Variants in CENPT observed in about 807,000 individuals in gnomAD.
The protein encoded by CENPT is centromere protein T.
Under a neutral mutation model 59.7 loss-of-function variants are expected in CENPT, and 42 were observed. The observed-to-expected ratio is 0.70, with a 90% CI of 0.55 to 0.91. The LOEUF is 0.91. Among genes scored for constraint, CENPT ranks in the 40% least tolerant of loss-of-function variants. The pLI is 0.00. For missense variants in CENPT, 716 were observed against 713.4 expected (o/e 1.00, Z -0.04); for synonymous variants, 295 against 289.6 (o/e 1.02, Z -0.19).
Position 67,841,243 on chromosome 16 carries a change from G to T in CENPT, c.-491-5585C>A, listed in dbSNP as rs533608242. Among the ~76,000 whole-genome samples, 5 of 148,692 alleles carry T rather than the reference G, an allele frequency of 3.4e-5. No individual in the cohort carries two copies. In the East Asian group the frequency reaches 9.8e-4, roughly 29 times the overall value. The stretch of plus-strand genomic sequence containing the variant: ...AAAAGATTCCCTCAAATAAGTTGAG[G>T]TGGGGGGAGGTGTATTGTTACAATG... On this transcript the variant is annotated intron_variant, in intron 1 of 15. Coordinates refer to ENST00000562787, the MANE Select transcript of CENPT (RefSeq NM_025082.4).
chr16:67,829,600 G>T (rs1260895270), intron 12 of CENPT, 84 bp from the exon 13 acceptor site: 6 of 1,398,696 alleles, frequency 4.3e-6, no homozygotes, highest in Non-Finnish European at 5.9e-6. Context: ...TTTCTGTCCT[G>T]TTTCTGGTGG....
At chr16:67,839,861 C>G (rs1217736517) in intron 1 of CENPT, among the ~76,000 whole-genome samples, 2 of 151,924 alleles carry the variant, frequency 1.3e-5, no homozygotes, top group Non-Finnish European at 2.9e-5. Context: ...ACAATGAGAA[C>G]GAAACTCCAT....
At position 67,843,054 on chromosome 16, in the gene CENPT, G is replaced by A. The variant is rs370193398; in HGVS notation, c.-492+4347C>T. ...ACCCTTCAGGCCACTGTAGACAGCA[G>A]TCAGGCTCCGGGATCCGTACAGCCG... On this transcript the variant is annotated intron_variant, in intron 1 of 15. Transcript: ENST00000562787. This position sits in a 1 kb window ranked among gnomAD's most constrained non-coding sequence, Gnocchi z 5.7. The A allele has an allele frequency of 1.2e-6, 2 of 1,612,208 alleles. No homozygotes were observed. The highest frequency in any genetic ancestry group is 1.1e-5 in the South Asian group (1 of 91,088).
rs989380938 is a variant in CENPT, at chr16:67,842,356, G to GGCGGC, written c.-492+5040_-492+5044dup. ...CCGAGCGCAGGCGGGCAGCCAGGCG[G>GGCGGC]GCGGCGCGGCGCGGGCCGGCAGGAA... On this transcript the variant is annotated intron_variant, in intron 1 of 15. Coordinates refer to ENST00000562787, the MANE Select transcript of CENPT (RefSeq NM_025082.4). This position sits in a 1 kb window ranked among gnomAD's most constrained non-coding sequence, Gnocchi z 4.9. The GGCGGC allele has an allele frequency of 4.6e-6, 1 of 217,924 alleles. No homozygotes were observed. The highest frequency in any genetic ancestry group is 2.3e-5 in the African/African-American group (1 of 42,936). The allele number at this position is 217,924 out of a possible 1,614,324, so 13.5% of individuals were successfully genotyped here.
chr16:67,829,291 C>A (rs894377926), intron 13 of CENPT, 132 bp downstream of exon 13: 2 of 725,330 alleles, frequency 2.8e-6, no homozygotes, highest in Non-Finnish European at 4.3e-6. Context: ...TGAGCTCTCC[C>A]CAGCCCAGCT....
intron 1 of CENPT, among the ~76,000 whole-genome samples, chr16:67,841,193 CAAAAAAAAAA>C (rs772893427): frequency 9.8e-4 from 27 of 27,572 alleles, no homozygotes; most frequent in East Asian, 5.1e-3. Context: ...GACTCCTTTA[CAAAAAAAAAA>C]AAAAAAAAAA....
Position 67,842,523 on chromosome 16 carries a change from C to T in CENPT, c.-492+4878G>A, listed in dbSNP as rs3743734. On this transcript the variant is annotated intron_variant, in intron 1 of 15. Transcript: ENST00000562787. The surrounding 1 kb of genome is among the most constrained non-coding windows in gnomAD (Gnocchi z 4.9). Reference sequence around the variant, plus strand: ...TGGGCCGTCGAAGAGCGCAGGAGGCCGGTGGGCCGGGCCGGGCCGCGCGGC... The same window carrying T: ...TGGGCCGTCGAAGAGCGCAGGAGGCTGGTGGGCCGGGCCGGGCCGCGCGGC... The T allele has an allele frequency of 4.1e-6, 6 of 1,473,504 alleles. No homozygotes were observed. Among genetic ancestry groups the T allele is most frequent in the Admixed American group, 4.6e-5 (2 of 43,020 alleles). The allele number at this position is 1,473,504 out of a possible 1,614,324, so 91.3% of individuals were successfully genotyped here.
rs750201233 is a variant in CENPT at position 67,831,778 on chromosome 16, C to T, written c.499G>A (p.Asp167Asn). 3 of 1,585,584 alleles carry T rather than the reference C, an allele frequency of 1.9e-6. No individual in the cohort carries two copies. The Admixed American group carries it at 5.4e-5, about 28-fold the overall frequency. Residue 167 changes from aspartate to asparagine, a missense_variant, in exon 8 of 16, where the codon GAC becomes AAC. Transcript: ENST00000562787. ...CCTTGGGAGAGAGACAGCCCCTGGT[C>T]CACTCCCTGCTGAAACACTGACAGT... Reference protein sequence around the residue: ...LRLSVFQQGVDQGLSLSQEPQ... With the variant: ...LRLSVFQQGVNQGLSLSQEPQ...
rs1386213334 is a variant in CENPT at position 67,828,227 on chromosome 16, G to A, written c.*40C>T. 4 of 1,542,092 alleles carry A rather than the reference G, an allele frequency of 2.6e-6. No homozygotes were observed. The African/African-American group carries it at 5.5e-5, about 21-fold the overall frequency. On this transcript the variant is annotated 3_prime_UTR_variant, in exon 16 of 16. Transcript: ENST00000562787. ...CCTGGAGAAATATGTGGGGGCAAGA[G>A]TCCCCAGGTGGGGACAGGGAAAGTG...
intron 1 of CENPT, among the ~76,000 whole-genome samples, chr16:67,836,902 C>T (rs1309794428): frequency 2.6e-5 from 4 of 152,048 alleles, no homozygotes; most frequent in African/African-American, 7.2e-5. Context: ...CTACCACGCC[C>T]GGCTAATTTT....
At chr16:67,841,170 GGC>G (rs1482818472) in intron 1 of CENPT, among the ~76,000 whole-genome samples, 1 of 128,820 alleles carries the variant, frequency 7.8e-6, no homozygotes, top group East Asian at 2.1e-4. Context: ...ACTCCAGTCT[GGC>G]GACACAGTGA....
At chr16:67,828,930 T>C in intron 13 of CENPT, 87 bp from the exon 14 acceptor site, 3 of 1,437,986 alleles carry the variant, frequency 2.1e-6, no homozygotes, top group Non-Finnish European at 2.8e-6. Context: ...CTGCTGAGGC[T>C]GGGGACCACG....
intron 1 of CENPT, among the ~76,000 whole-genome samples, chr16:67,840,243 G>C (rs1173343861): frequency 6.6e-6 from 1 of 152,194 alleles, no homozygotes; most frequent in Non-Finnish European, 1.5e-5. Context: ...GCATGAACCC[G>C]GGAGGCAGAG....
intron 1 of CENPT, among the ~76,000 whole-genome samples, chr16:67,845,173 T>C (rs1420584045): frequency 1.3e-5 from 2 of 152,226 alleles, no homozygotes; most frequent in Non-Finnish European, 2.9e-5. Flanking sequence ...TCAAAGCCAA[T>C]GTCTAAAAGT....
intron 1 of CENPT, among the ~76,000 whole-genome samples, chr16:67,845,542 G>A (rs1404404546): frequency 6.6e-6 from 1 of 152,174 alleles, no homozygotes; most frequent in African/African-American, 2.4e-5. Context: ...ACATCTTCCC[G>A]GTCGGAGCAA....
chr16:67,836,094 T>C (rs2057733606), intron 1 of CENPT, among the ~76,000 whole-genome samples: 1 of 151,516 alleles, frequency 6.6e-6, no homozygotes, highest in Non-Finnish European at 1.5e-5. Flanking sequence ...GAGTCTCACT[T>C]TGTTGCCCGG....
chr16:67,837,766 G>T (rs1242626082), intron 1 of CENPT, among the ~76,000 whole-genome samples: 2 of 152,148 alleles, frequency 1.3e-5, no homozygotes, highest in Non-Finnish European at 2.9e-5. Context: ...TATTCTGTTT[G>T]TTCACATAAT....
intron 4 of CENPT, among the ~76,000 whole-genome samples, chr16:67,832,776 C>G (rs1442079440): frequency 6.6e-6 from 1 of 152,080 alleles, no homozygotes; most frequent in Non-Finnish European, 1.5e-5. Flanking sequence ...GTGAACCAAC[C>G]AGGAGGGGCT....
intron 10 of CENPT, chr16:67,830,848 C>T (rs532379779): frequency 1.9e-5 from 10 of 517,028 alleles, no homozygotes; most frequent in South Asian, 7.3e-5. Context: ...TGTTCTGCTC[C>T]GTCTTCCCAA....
Sources: gnomAD v4.1 joint callset for allele counts (sites outside exome capture counted in the v4.1 genomes callset) on GRCh38, gnomAD v4.1.1 for gene constraint, Gnocchi (gnomAD v3.1) non-coding constraint, MANE v1.5 for transcripts, NCBI Gene and HGNC (gene_info 2026-07-23, HGNC 2026-07-21) for gene names.